DPP10: variants seen among roughly 807,000 people sequenced by gnomAD.
DPP10 encodes the protein inactive dipeptidyl peptidase 10.
In DPP10, 33 loss-of-function variants were observed where a neutral mutation model predicts 120.9. The ratio of observed to expected loss-of-function variants is 0.27; its 90% CI spans 0.21 to 0.37. The LOEUF is 0.37. Ranked by LOEUF, DPP10 falls within the 10% of genes least tolerant of loss-of-function variation. The pLI is 1.00. For synonymous variants in DPP10, 337 were observed against 326.1 expected (o/e 1.03, Z -0.36); for missense variants, 816 against 942.8 (o/e 0.87, Z 1.76).
At chr2:115,581,428 C>T (rs1479198355) in intron 5 of DPP10, among the ~76,000 whole-genome samples, 3 of 152,020 alleles carry the variant, frequency 2.0e-5, no homozygotes, top group Admixed American at 6.6e-5. Context: ...GTGATTTTCT[C>T]GAGGTCATAC....
chr2:114,887,892 C>A (rs1252131334), intron 1 of DPP10, among the ~76,000 whole-genome samples: 2 of 152,132 alleles, frequency 1.3e-5, no homozygotes, highest in African/African-American at 4.8e-5. Flanking sequence ...GTTATTCCCG[C>A]ACTTTGGGAG....
chr2:114,552,076 C>G (rs866230844), intron 1 of DPP10, among the ~76,000 whole-genome samples: 1 of 152,148 alleles, frequency 6.6e-6, no homozygotes, highest in African/African-American at 2.4e-5. Context: ...TAGGTACCGG[C>G]AGAGACAACA....
chr2:114,818,281 C>G lies in DPP10; in HGVS notation c.60+375443C>G, dbSNP rs187849078. 1.6e-4 allele frequency among the ~76,000 whole-genome samples: 25 copies of G among 152,232 alleles called. No individual in the cohort carries two copies. The East Asian group carries it at 3.3e-3, about 20-fold the overall frequency. On this transcript the variant is annotated intron_variant, in intron 1 of 25. Transcript: ENST00000410059. ...ATAAAAACAGGACCTGTTACAGGCTCTATTACAGAACTTTGAAACTGGTAT... is the reference window on the plus strand; with the variant it reads ...ATAAAAACAGGACCTGTTACAGGCTGTATTACAGAACTTTGAAACTGGTAT...
intron 5 of DPP10, among the ~76,000 whole-genome samples, chr2:115,536,306 C>G (rs2078833877): frequency 6.6e-6 from 1 of 151,832 alleles, no homozygotes; most frequent in South Asian, 2.1e-4. Flanking sequence ...CCACTATGAA[C>G]ATTGTTCCTT....
At chr2:115,332,106 C>G (rs770661423) in intron 2 of DPP10, among the ~76,000 whole-genome samples, 19 of 151,874 alleles carry the variant, frequency 1.3e-4, no homozygotes, top group Admixed American at 3.3e-4. Context: ...TTCAGAGCCT[C>G]TTATTGGTCT....
At chr2:114,506,583 G>C (rs1018594879) in intron 1 of DPP10, among the ~76,000 whole-genome samples, 2 of 152,116 alleles carry the variant, frequency 1.3e-5, no homozygotes, top group African/African-American at 4.8e-5. Flanking sequence ...TCCTTCTAGG[G>C]CTTCAGGTGT....
intron 5 of DPP10, among the ~76,000 whole-genome samples, chr2:115,614,466 C>T (rs1000185548): frequency 6.6e-6 from 1 of 152,132 alleles, no homozygotes; most frequent in Non-Finnish European, 1.5e-5. Flanking sequence ...CACTTTCTTG[C>T]CCAGGCTGGA....
chr2:114,875,761 C>T (rs1691098420), intron 1 of DPP10, among the ~76,000 whole-genome samples: 1 of 152,124 alleles, frequency 6.6e-6, no homozygotes, highest in Non-Finnish European at 1.5e-5. Context: ...TTCTATGTCA[C>T]ATGCTATTTT....
At chr2:115,233,681 C>T (rs2057853117) in intron 1 of DPP10, among the ~76,000 whole-genome samples, 1 of 152,270 alleles carries the variant, frequency 6.6e-6, no homozygotes, top group South Asian at 2.1e-4. Context: ...TTAGTCTCTG[C>T]AAAGAAAAAT....
intron 1 of DPP10, among the ~76,000 whole-genome samples, chr2:114,646,201 G>A (rs7601496): frequency 0.13 from 18,298 of 143,306 alleles, 1,120 homozygotes; most frequent in African/African-American, 0.17. Flanking sequence ...TAAATAAAAA[G>A]GGGGAGAGGG....
chr2:115,238,214 T>C (rs2058094540), intron 1 of DPP10, among the ~76,000 whole-genome samples: 1 of 152,158 alleles, frequency 6.6e-6, no homozygotes, highest in Non-Finnish European at 1.5e-5. Context: ...CTAAGGACCT[T>C]AAGAGTTAGG....
chr2:114,850,356 T>G (rs2106483847), intron 1 of DPP10, among the ~76,000 whole-genome samples: 2 of 152,308 alleles, frequency 1.3e-5, no homozygotes, highest in South Asian at 2.1e-4. Flanking sequence ...TTACTCAAAC[T>G]TATCTAAAAA....
At chr2:115,652,506 A>G (rs1454026263) in intron 5 of DPP10, among the ~76,000 whole-genome samples, 6 of 151,542 alleles carry the variant, frequency 4.0e-5, no homozygotes, top group African/African-American at 1.5e-4. Flanking sequence ...AGATAGATAT[A>G]GGAATTAGCA....
chr2:115,463,751 C>T (rs1004896907), intron 3 of DPP10, among the ~76,000 whole-genome samples: 1 of 152,122 alleles, frequency 6.6e-6, no homozygotes, highest in African/African-American at 2.4e-5. Flanking sequence ...GTTAAAAATC[C>T]TGTCTCTCAA....
intron 1 of DPP10, among the ~76,000 whole-genome samples, chr2:114,829,670 C>A (rs1686905391): frequency 6.6e-6 from 1 of 151,874 alleles, no homozygotes; most frequent in Non-Finnish European, 1.5e-5. Context: ...AGCCACCGTG[C>A]CTGGCCGGAC....
intron 5 of DPP10, among the ~76,000 whole-genome samples, chr2:115,583,516 G>A (rs193248481): frequency 2.6e-5 from 4 of 152,262 alleles, no homozygotes; most frequent in East Asian, 3.9e-4. Flanking sequence ...TGGGTTCACC[G>A]GGGACTGTTG....
At position 114,838,487 on chromosome 2, in the gene DPP10, G is replaced by T. The variant is rs1196474860; in HGVS notation, c.60+395649G>T. Among the ~76,000 whole-genome samples, 4 of 151,818 alleles carry T rather than the reference G, an allele frequency of 2.6e-5. No homozygotes were observed. In the South Asian group the frequency reaches 6.2e-4, roughly 24 times the overall value. On this transcript the variant is annotated intron_variant, in intron 1 of 25. Transcript: ENST00000410059. ...GCTACCACGCCTAGCTAATTTTTTT[G>T]GATTTTTAGTAGAGATGGGATTTCA...
chr2:115,163,049 C>A (rs1198237773), intron 1 of DPP10, among the ~76,000 whole-genome samples: 1 of 152,106 alleles, frequency 6.6e-6, no homozygotes, highest in Non-Finnish European at 1.5e-5. Flanking sequence ...GGGACCCAAG[C>A]GCTGGGGTAG....
intron 1 of DPP10, among the ~76,000 whole-genome samples, chr2:114,579,693 G>T (rs114360230): frequency 2.0e-5 from 3 of 152,194 alleles, no homozygotes; most frequent in African/African-American, 4.8e-5. Flanking sequence ...TATAAATCTC[G>T]TCGGAGAGAA....
Sources: allele counts gnomAD v4.1 joint callset (sites outside exome capture counted in the v4.1 genomes callset), GRCh38; gene constraint gnomAD v4.1.1; transcripts MANE v1.5; gene names NCBI Gene and HGNC (gene_info 2026-07-23, HGNC 2026-07-21).